The following CNTNAP5 variants were observed in gnomAD, a reference collection of about 807,000 sequenced individuals.
CNTNAP5 encodes contactin-associated protein-like 5.
CNTNAP5 carries 72 observed loss-of-function variants against 150.2 expected under a neutral mutation model. The observed-to-expected ratio is 0.48, with a 90% CI of 0.40 to 0.58. The LOEUF (loss-of-function observed/expected upper bound fraction) is 0.58. Ranked by LOEUF, CNTNAP5 falls within the 20% of genes least tolerant of loss-of-function variation. CNTNAP5 has a pLI of 0.00. For synonymous variants in CNTNAP5, 672 were observed against 619.8 expected (o/e 1.08, Z -1.25); for missense variants, 1,636 against 1,626.2 (o/e 1.01, Z -0.10).
Position 124,782,334 on chromosome 2 carries a change from A to G in CNTNAP5, c.2753-7568A>G, listed in dbSNP as rs1463815542. Among the ~76,000 whole-genome samples the G allele has an allele frequency of 2.0e-5, 3 of 152,306 alleles. No individual in the cohort carries two copies. The East Asian group carries it at 5.8e-4, about 29-fold the overall frequency. On this transcript the variant is annotated intron_variant, in intron 17 of 23. Coordinates refer to ENST00000682447, the MANE Select transcript of CNTNAP5 (RefSeq NM_001367498.1). ...CCTGCTTGCTTTGTGTTCACAAAAG[A>G]CTAAAAGCCTCTAGATATTTCAGTA...
Position 124,446,735 on chromosome 2 carries a change from T to C in CNTNAP5, c.734-18T>C. ...CCTTGGACACAGACATCATCTTGCC[T>C]CTCTCCCCTCTTCACAGGTGACAGC... is the stretch of plus-strand genomic sequence containing the variant. On this transcript the variant is annotated intron_variant, in intron 5 of 23. Transcript: ENST00000682447. 6.2e-7 allele frequency: 1 copy of C among 1,608,974 alleles called. No individual in the cohort carries two copies. Among genetic ancestry groups the C allele is most frequent in the African/African-American group, 1.3e-5 (1 of 74,938 alleles).
chr2:124,164,003 G>C (rs956539030), intron 1 of CNTNAP5, among the ~76,000 whole-genome samples: 3 of 152,102 alleles, frequency 2.0e-5, no homozygotes, highest in Non-Finnish European at 2.9e-5. Flanking sequence ...TCTTACATCT[G>C]TGTTTATCCC....
intron 13 of CNTNAP5, among the ~76,000 whole-genome samples, chr2:124,729,190 G>A (rs1680219846): frequency 6.6e-6 from 1 of 152,042 alleles, no homozygotes; most frequent in Admixed American, 6.6e-5. Flanking sequence ...ATCTCCCAAT[G>A]AGAGGAATAT....
chr2:124,435,359 C>T (rs1361438950), intron 5 of CNTNAP5, among the ~76,000 whole-genome samples: 1 of 152,024 alleles, frequency 6.6e-6, no homozygotes, highest in African/African-American at 2.4e-5. Flanking sequence ...CTTCTTATCC[C>T]AGAGAAGGAG....
chr2:124,474,151 A>T (rs1332292448), intron 6 of CNTNAP5, among the ~76,000 whole-genome samples: 1 of 152,084 alleles, frequency 6.6e-6, no homozygotes, highest in Non-Finnish European at 1.5e-5. Flanking sequence ...ACTTCCCATT[A>T]TATTACAAAT....
intron 13 of CNTNAP5, among the ~76,000 whole-genome samples, chr2:124,677,052 C>G (rs1678956589): frequency 6.6e-6 from 1 of 152,124 alleles, no homozygotes; most frequent in Non-Finnish European, 1.5e-5. Context: ...TCACTGACTT[C>G]AAGAATAAAG....
intron 3 of CNTNAP5, among the ~76,000 whole-genome samples, chr2:124,306,686 G>A (rs1688697939): frequency 1.5e-5 from 2 of 135,944 alleles, no homozygotes; most frequent in South Asian, 2.6e-4. Flanking sequence ...TCATGGTCAT[G>A]TATTTGCAAA....
chr2:124,720,742 G>T (rs1479896943), intron 13 of CNTNAP5, among the ~76,000 whole-genome samples: 2 of 152,174 alleles, frequency 1.3e-5, no homozygotes, highest in African/African-American at 4.8e-5. Context: ...ATTTGCTATA[G>T]CAAAGACAGT....
chr2:124,256,832 G>A (rs920930885), intron 3 of CNTNAP5, among the ~76,000 whole-genome samples: 2 of 152,276 alleles, frequency 1.3e-5, no homozygotes, highest in South Asian at 4.1e-4. Context: ...AGGTTGAAGA[G>A]TGCTCCCACA....
intron 1 of CNTNAP5, among the ~76,000 whole-genome samples, chr2:124,136,653 A>C (rs1234942120): frequency 6.6e-6 from 1 of 152,218 alleles, no homozygotes; most frequent in African/African-American, 2.4e-5. Context: ...GTTTCACCTT[A>C]GAGTTACTGT....
At chr2:124,912,750 A>G (rs1457338573) in intron 23 of CNTNAP5, among the ~76,000 whole-genome samples, 2 of 152,066 alleles carry the variant, frequency 1.3e-5, no homozygotes, top group African/African-American at 4.8e-5. Flanking sequence ...GTGCTCTATG[A>G]GTCTCTTTAA....
intron 3 of CNTNAP5, among the ~76,000 whole-genome samples, chr2:124,398,521 A>T (rs1425716629): frequency 1.1e-5 from 1 of 87,774 alleles, no homozygotes. Context: ...TTTGAGATGA[A>T]GTTTTGCTCT....
intron 3 of CNTNAP5, among the ~76,000 whole-genome samples, chr2:124,306,805 G>A (rs1056154089): frequency 7.4e-6 from 1 of 135,328 alleles, no homozygotes. Flanking sequence ...TTGGCTCACT[G>A]CAACCTCCGC....
intron 3 of CNTNAP5, among the ~76,000 whole-genome samples, chr2:124,315,630 C>T (rs1267209511): frequency 1.3e-5 from 2 of 152,098 alleles, no homozygotes; most frequent in East Asian, 1.9e-4. Flanking sequence ...AGCTGTTGAT[C>T]TTGTTCAACT....
At chr2:124,408,148 T>C (rs113171561) in intron 3 of CNTNAP5, among the ~76,000 whole-genome samples, 1 of 152,124 alleles carries the variant, frequency 6.6e-6, no homozygotes, top group Non-Finnish European at 1.5e-5. Flanking sequence ...ATCGGGTCAC[T>C]CCCACCCGAA....
At chr2:124,352,493 G>A (rs916340996) in intron 3 of CNTNAP5, among the ~76,000 whole-genome samples, 1 of 152,156 alleles carries the variant, frequency 6.6e-6, no homozygotes. Flanking sequence ...GAAATACCAA[G>A]TCTAGATGAA....
chr2:124,069,719 C>T (rs1400540672), intron 1 of CNTNAP5, among the ~76,000 whole-genome samples: 2 of 152,078 alleles, frequency 1.3e-5, no homozygotes, highest in Non-Finnish European at 2.9e-5. Flanking sequence ...AGAATTCTTT[C>T]AGATCTTATC....
chr2:124,521,802 G>A (rs1694852990), intron 8 of CNTNAP5, among the ~76,000 whole-genome samples: 1 of 152,148 alleles, frequency 6.6e-6, no homozygotes, highest in East Asian at 1.9e-4. Flanking sequence ...ACTTACAATT[G>A]ACTGTGCTCC....
At chr2:124,561,751 T>A (rs1019616592) in intron 10 of CNTNAP5, among the ~76,000 whole-genome samples, 13 of 152,214 alleles carry the variant, frequency 8.5e-5, no homozygotes, top group African/African-American at 2.9e-4. Context: ...TATTAGTTTC[T>A]GGGATTTGAA....
Sources: gnomAD v4.1 joint callset for allele counts (sites outside exome capture counted in the v4.1 genomes callset) on GRCh38, gnomAD v4.1.1 for gene constraint, MANE v1.5 for transcripts, NCBI Gene and HGNC (gene_info 2026-07-23, HGNC 2026-07-21) for gene names.